MYRIP: variants seen among roughly 807,000 people sequenced by gnomAD.
MYRIP encodes myosin VIIA and Rab interacting protein.
Under a neutral mutation model 98.0 loss-of-function variants are expected in MYRIP, and 49 were observed. The observed-to-expected ratio is 0.50, with a 90% confidence interval of 0.40 to 0.63. The LOEUF is 0.63. MYRIP is among the 30% of genes least tolerant of loss of function. The pLI is 0.00. For missense variants in MYRIP, 1,004 were observed against 1,058.2 expected, an observed-to-expected ratio of 0.95 and a Z score of 0.71; for synonymous variants, 404 against 409.5, an observed-to-expected ratio of 0.99 and a Z score of 0.16.
intron 2 of MYRIP, among the ~76,000 whole-genome samples, chr3:40,018,526 G>A (rs142343986): frequency 7.2e-5 from 11 of 152,252 alleles, no homozygotes; most frequent in Middle Eastern, 3.4e-3. Flanking sequence ...AAAGACATGA[G>A]TGGTCTTTTG....
chr3:40,065,820 T>C (rs1948115552), intron 3 of MYRIP, among the ~76,000 whole-genome samples: 1 of 152,152 alleles, frequency 6.6e-6, no homozygotes, highest in Non-Finnish European at 1.5e-5. Flanking sequence ...GATCTGGTCT[T>C]CTTTATCTTT....
At chr3:40,143,261 C>T in intron 3 of MYRIP, among the ~76,000 whole-genome samples, 1 of 152,154 alleles carries the variant, frequency 6.6e-6, no homozygotes, top group East Asian at 1.9e-4. Flanking sequence ...CGCAGGATTC[C>T]ACCCTGTCCT....
Position 40,162,969 on chromosome 3 carries a change from G to T in MYRIP, c.550+159G>T, listed in dbSNP as rs1950428808. 1.0e-5 allele frequency: 6 copies of T among 601,722 alleles called. No homozygotes were observed. In the Admixed American group the frequency reaches 1.6e-4, roughly 16 times the overall value. The allele number at this position is 601,722 out of a possible 1,614,324, so 37.3% of individuals were successfully genotyped here. A position where few individuals can be genotyped will look rare whatever the true frequency, so the allele number is the denominator to read the frequency against. ...CCTGGGTCACTTATTATTGCCAATT[G>T]TATGAATCCATCATCAAAATAGGTG... On this transcript the variant is annotated intron_variant, in intron 5 of 16. Coordinates refer to ENST00000302541, the MANE Select transcript of MYRIP (RefSeq NM_015460.4).
chr3:40,075,367 G>A (rs1948321716), intron 3 of MYRIP, among the ~76,000 whole-genome samples: 1 of 152,168 alleles, frequency 6.6e-6, no homozygotes, highest in Non-Finnish European at 1.5e-5. Flanking sequence ...ATTAATCAAG[G>A]ACTAGTTTTA....
At chr3:39,953,532 C>T (rs1945079594) in intron 2 of MYRIP, among the ~76,000 whole-genome samples, 1 of 152,088 alleles carries the variant, frequency 6.6e-6, no homozygotes, top group Non-Finnish European at 1.5e-5. Context: ...GGTTTATCAG[C>T]TTAAGAAAAT....
intron 2 of MYRIP, among the ~76,000 whole-genome samples, chr3:39,941,862 A>T (rs1323041496): frequency 6.6e-6 from 1 of 152,106 alleles, no homozygotes; most frequent in East Asian, 1.9e-4. Flanking sequence ...CTAAAAGTAG[A>T]ATTACTAGCT....
intron 2 of MYRIP, among the ~76,000 whole-genome samples, chr3:40,003,133 CTATA>C (rs1018602666): frequency 2.0e-5 from 3 of 150,440 alleles, no homozygotes; most frequent in Non-Finnish European, 4.4e-5. Flanking sequence ...ATCTGTATAT[CTATA>C]TATATCTAGA....
intron 11 of MYRIP, among the ~76,000 whole-genome samples, chr3:40,214,457 T>A (rs1952055727): frequency 6.6e-6 from 1 of 152,208 alleles, no homozygotes; most frequent in Non-Finnish European, 1.5e-5. Flanking sequence ...AGAAACATAC[T>A]TTTTCCTGAT....
chr3:39,822,127 A>G (rs1941119828), intron 1 of MYRIP, among the ~76,000 whole-genome samples: 1 of 152,174 alleles, frequency 6.6e-6, no homozygotes. Flanking sequence ...GTCTCTAGTA[A>G]TACCTCTTGT....
At chr3:40,196,468 C>A (rs1233761886) in intron 10 of MYRIP, among the ~76,000 whole-genome samples, 2 of 152,078 alleles carry the variant, frequency 1.3e-5, no homozygotes, top group Non-Finnish European at 2.9e-5. Context: ...GCATTTTAAT[C>A]AAATTAAGTT....
intron 2 of MYRIP, among the ~76,000 whole-genome samples, chr3:39,997,888 A>C (rs1946408427): frequency 6.6e-6 from 1 of 152,214 alleles, no homozygotes; most frequent in Non-Finnish European, 1.5e-5. Context: ...ACATACGCAA[A>C]TCAATAAACA....
At chr3:39,849,186 C>A (rs905474519) in intron 1 of MYRIP, among the ~76,000 whole-genome samples, 1 of 152,120 alleles carries the variant, frequency 6.6e-6, no homozygotes, top group African/African-American at 2.4e-5. Flanking sequence ...CTACAACTTG[C>A]CTTGTCCTCT....
At chr3:40,147,068 C>T (rs1950025231) in intron 3 of MYRIP, among the ~76,000 whole-genome samples, 1 of 152,198 alleles carries the variant, frequency 6.6e-6, no homozygotes, top group African/African-American at 2.4e-5. Flanking sequence ...TTAAACATTT[C>T]TGGGGGCTAC....
At chr3:39,981,154 T>G (rs1945884201) in intron 2 of MYRIP, among the ~76,000 whole-genome samples, 1 of 152,204 alleles carries the variant, frequency 6.6e-6, no homozygotes, top group Non-Finnish European at 1.5e-5. Context: ...CAGAGAAACC[T>G]CTTGCCTTTA....
intron 2 of MYRIP, among the ~76,000 whole-genome samples, chr3:39,954,284 A>G (rs1945101507): frequency 6.6e-6 from 1 of 152,068 alleles, no homozygotes; most frequent in South Asian, 2.1e-4. Flanking sequence ...GACACCTCAT[A>G]CAGCCAGGTA....
intron 3 of MYRIP, among the ~76,000 whole-genome samples, chr3:40,082,240 T>C (rs1948494186): frequency 6.6e-6 from 1 of 152,212 alleles, no homozygotes; most frequent in Non-Finnish European, 1.5e-5. Context: ...CAATTCCACT[T>C]CTGGATCTAT....
chr3:40,034,955 C>G (rs1947344473), intron 2 of MYRIP, among the ~76,000 whole-genome samples: 1 of 151,254 alleles, frequency 6.6e-6, no homozygotes. Flanking sequence ...TCATCATTCT[C>G]AGTAAACTAT....
At chr3:40,004,662 C>T (rs780959196) in intron 2 of MYRIP, among the ~76,000 whole-genome samples, 4 of 152,034 alleles carry the variant, frequency 2.6e-5, no homozygotes, top group Non-Finnish European at 4.4e-5. Flanking sequence ...CCCCAAAGTC[C>T]ACTGTATTAT....
chr3:39,974,432 C>A (rs1020571040), intron 2 of MYRIP, among the ~76,000 whole-genome samples: 11 of 152,060 alleles, frequency 7.2e-5, no homozygotes, highest in African/African-American at 1.4e-4. Context: ...CAAAAAAAGT[C>A]CAGGACCAGA....
Sources: allele counts gnomAD v4.1 joint callset (sites outside exome capture counted in the v4.1 genomes callset), GRCh38; gene constraint gnomAD v4.1.1; transcripts MANE v1.5; gene names NCBI Gene and HGNC (gene_info 2026-07-23, HGNC 2026-07-21).